The following DLGAP1 variants were observed in gnomAD, a reference collection of about 807,000 sequenced individuals.
DLGAP1 encodes DLG associated protein 1, also known as disks large-associated protein 1.
A neutral mutation model predicts 90.8 loss-of-function variants in DLGAP1; 11 were observed. The observed-to-expected ratio is 0.12, with a 90% CI of 0.08 to 0.20. DLGAP1 has a LOEUF of 0.20. Ranked by LOEUF, DLGAP1 falls within the 10% of genes least tolerant of loss-of-function variation. DLGAP1 has a pLI of 1.00. For missense variants in DLGAP1, 1,050 were observed against 1,333.8 expected (o/e 0.79, Z 3.31); for synonymous variants, 558 against 540.7 (o/e 1.03, Z -0.44).
At chr18:3,732,241 G>A (rs1279688543) in intron 6 of DLGAP1, among the ~76,000 whole-genome samples, 2 of 152,198 alleles carry the variant, frequency 1.3e-5, no homozygotes, top group African/African-American at 4.8e-5. Flanking sequence ...ATCAGCTTCA[G>A]GTTCAATCTT....
chr18:4,137,398 T>A (rs1248422120), intron 2 of DLGAP1, among the ~76,000 whole-genome samples: 2 of 152,192 alleles, frequency 1.3e-5, no homozygotes, highest in African/African-American at 4.8e-5. Context: ...CTCCAATATA[T>A]GTTCTTGGTA....
At position 3,729,795 on chromosome 18, in the gene DLGAP1, T is replaced by C. The variant is rs549898082; in HGVS notation, c.1351-420A>G. Reference sequence around the variant, plus strand: ...TTCCAACGCATGACATTCTTATTTATAAAGGCAAACTTGGAGAAGAATTTT... The same window carrying C: ...TTCCAACGCATGACATTCTTATTTACAAAGGCAAACTTGGAGAAGAATTTT... On this transcript the variant is annotated intron_variant, in intron 6 of 12. Transcript: ENST00000315677. The surrounding 1 kb of genome is among the most constrained non-coding windows in gnomAD (Gnocchi z 6.2). Among the ~76,000 whole-genome samples the C allele has an allele frequency of 1.8e-4, 28 of 152,328 alleles. No homozygotes were observed. The highest frequency in any genetic ancestry group is 6.7e-4 in the African/African-American group (28 of 41,570).
chr18:4,260,375 G>C (rs113647174), intron 1 of DLGAP1, among the ~76,000 whole-genome samples: 1 of 152,110 alleles, frequency 6.6e-6, no homozygotes, highest in Non-Finnish European at 1.5e-5. Flanking sequence ...CCCAACCTGC[G>C]GAAGTATAAG....
chr18:4,163,012 A>G (rs1355596447), intron 1 of DLGAP1, among the ~76,000 whole-genome samples: 3 of 152,138 alleles, frequency 2.0e-5, no homozygotes, highest in Non-Finnish European at 4.4e-5. Flanking sequence ...TGACTCGCCC[A>G]CTGCTAAGAG....
intron 1 of DLGAP1, among the ~76,000 whole-genome samples, chr18:4,338,836 C>T (rs2081128332): frequency 6.6e-6 from 1 of 152,160 alleles, no homozygotes; most frequent in Non-Finnish European, 1.5e-5. Context: ...AGGCACTGAT[C>T]AGGACATTAA....
At position 3,661,236 on chromosome 18, in the gene DLGAP1, C is replaced by T. The variant is rs146087646; in HGVS notation, c.1591+67899G>A. Among the ~76,000 whole-genome samples the T allele has an allele frequency of 5.0e-3, 765 of 152,310 alleles. 1 individual carries two copies. The highest frequency in any genetic ancestry group is 0.01 in the Middle Eastern group (3 of 294). Reference sequence around the variant, plus strand: ...AAAAAGCCTTAACATGACTGCAAAACCCTCTATGATGTCACTTATAGGTGA... The same window carrying T: ...AAAAAGCCTTAACATGACTGCAAAATCCTCTATGATGTCACTTATAGGTGA... On this transcript the variant is annotated intron_variant, in intron 7 of 12. Coordinates refer to ENST00000315677, the MANE Select transcript of DLGAP1 (RefSeq NM_004746.4).
chr18:3,748,391 T>C (rs908331701), intron 5 of DLGAP1, among the ~76,000 whole-genome samples: 9 of 152,254 alleles, frequency 5.9e-5, no homozygotes, highest in Admixed American at 4.6e-4. Context: ...AACATATTAC[T>C]GGAAATAACT....
intron 7 of DLGAP1, among the ~76,000 whole-genome samples, chr18:3,636,073 C>A (rs2058703399): frequency 6.6e-6 from 1 of 151,322 alleles, no homozygotes; most frequent in African/African-American, 2.4e-5. Flanking sequence ...TCCCCACATA[C>A]CTTTCGCTCT....
intron 3 of DLGAP1, chr18:3,986,370 C>G (rs2073842934): frequency 6.6e-6 from 1 of 151,988 alleles, no homozygotes; most frequent in South Asian, 2.1e-4. Context: ...ACGATAAATA[C>G]AAAGCAACCA....
At chr18:3,600,597 A>T (rs1450705822) in intron 7 of DLGAP1, among the ~76,000 whole-genome samples, 1 of 150,530 alleles carries the variant, frequency 6.6e-6, no homozygotes, top group Non-Finnish European at 1.5e-5. Flanking sequence ...AGGGGATTTG[A>T]ACTGTTTCTT....
At chr18:3,672,274 C>T (rs1273732882) in intron 7 of DLGAP1, among the ~76,000 whole-genome samples, 2 of 151,134 alleles carry the variant, frequency 1.3e-5, no homozygotes, top group African/African-American at 2.4e-5. Context: ...TTCTACTTAT[C>T]TATTTCTTGA....
intron 5 of DLGAP1, among the ~76,000 whole-genome samples, chr18:3,764,673 T>G (rs563105012): frequency 6.2e-4 from 95 of 152,342 alleles, no homozygotes; most frequent in African/African-American, 2.3e-3. Context: ...AAGGTAAATA[T>G]TTGCAGTCTA....
chr18:4,349,136 T>A (rs929780564), intron 1 of DLGAP1, among the ~76,000 whole-genome samples: 1 of 152,106 alleles, frequency 6.6e-6, no homozygotes, highest in Admixed American at 6.5e-5. Flanking sequence ...AAAATTAACA[T>A]CACCAGGAAT....
rs2077228602 is a variant in DLGAP1, at chr18:4,182,661, T to C, written c.-266-31374A>G. ...TAAACTTCTGTTTGTTTTTCTCTTT[T>C]TAAAGTGTCTTTTGCTATGGGGTCC... On this transcript the variant is annotated intron_variant, in intron 1 of 12. Transcript: ENST00000315677. 2.0e-5 allele frequency among the ~76,000 whole-genome samples: 3 copies of C among 152,242 alleles called. No homozygotes were observed. The South Asian group carries it at 6.2e-4, about 32-fold the overall frequency.
chr18:3,588,820 GAAAAC>G (rs1263993953), intron 7 of DLGAP1, among the ~76,000 whole-genome samples: 1 of 150,970 alleles, frequency 6.6e-6, no homozygotes, highest in African/African-American at 2.4e-5. Context: ...ACATTATAGA[GAAAAC>G]AACACATTCC....
chr18:4,115,503 T>G (rs932617091), intron 2 of DLGAP1, among the ~76,000 whole-genome samples: 1 of 152,000 alleles, frequency 6.6e-6, no homozygotes, highest in South Asian at 2.1e-4. Context: ...TCTTTTTTTT[T>G]GAGACGGAGT....
intron 7 of DLGAP1, among the ~76,000 whole-genome samples, chr18:3,695,765 T>C (rs566383129): frequency 1.3e-5 from 2 of 152,360 alleles, no homozygotes; most frequent in South Asian, 2.1e-4. Context: ...TTGATGGGGA[T>C]AGCATTTAAT....
intron 9 of DLGAP1, among the ~76,000 whole-genome samples, chr18:3,544,990 C>A (rs3879735): frequency 0.014 from 2,196 of 152,072 alleles, 60 homozygotes; most frequent in African/African-American, 0.051. Flanking sequence ...AAATGGAGGC[C>A]AGGCACAGTG....
chr18:4,224,395 C>T (rs2078141610), intron 1 of DLGAP1, among the ~76,000 whole-genome samples: 1 of 152,140 alleles, frequency 6.6e-6, no homozygotes, highest in Non-Finnish European at 1.5e-5. Context: ...CAAGGGGGAT[C>T]TTGGGGTCCG....
Sources: gnomAD v4.1 joint callset for allele counts (sites outside exome capture counted in the v4.1 genomes callset) on GRCh38, gnomAD v4.1.1 for gene constraint, Gnocchi (gnomAD v3.1) non-coding constraint, MANE v1.5 for transcripts, NCBI Gene and HGNC (gene_info 2026-07-23, HGNC 2026-07-21) for gene names.